MARCHF8: variants seen among roughly 807,000 people sequenced by gnomAD.
The protein encoded by MARCHF8 is membrane associated ring-CH-type finger 8, also known as E3 ubiquitin-protein ligase MARCHF8.
In MARCHF8, 40 loss-of-function variants were observed where a neutral mutation model predicts 51.6. That is an observed-to-expected ratio of 0.77 (90% CI 0.60 to 1.01). The LOEUF (loss-of-function observed/expected upper bound fraction) is 1.01. Among genes scored for constraint, MARCHF8 ranks in the 50% least tolerant of loss-of-function variants. The probability of loss-of-function intolerance (pLI) is 0.00; values close to 1 mark genes in which losing one functional copy is unlikely to be tolerated. For synonymous variants in MARCHF8, 263 were observed against 280.3 expected, an observed-to-expected ratio of 0.94 and a Z score of 0.62; for missense variants, 685 against 708.6, an observed-to-expected ratio of 0.97 and a Z score of 0.38.
intron 1 of MARCHF8, among the ~76,000 whole-genome samples, chr10:45,580,026 A>C: frequency 6.6e-6 from 1 of 151,410 alleles, no homozygotes; most frequent in Non-Finnish European, 1.5e-5. Context: ...AAAAAAAAAA[A>C]AAAAATCCAC....
At chr10:45,486,147 T>C (rs1308467721) in intron 3 of MARCHF8, among the ~76,000 whole-genome samples, 3 of 152,184 alleles carry the variant, frequency 2.0e-5, no homozygotes, top group Non-Finnish European at 4.4e-5. Flanking sequence ...ACCAGGAAGT[T>C]CTGTGAGTAA....
At chr10:45,506,406 T>C (rs1281165314) in intron 2 of MARCHF8, among the ~76,000 whole-genome samples, 1 of 152,220 alleles carries the variant, frequency 6.6e-6, no homozygotes, top group African/African-American at 2.4e-5. Flanking sequence ...TAGCGTTACT[T>C]CTACTTAATG....
intron 1 of MARCHF8, among the ~76,000 whole-genome samples, chr10:45,555,694 T>C (rs544616207): frequency 6.8e-6 from 1 of 146,534 alleles, no homozygotes; most frequent in African/African-American, 2.5e-5. Context: ...CAATGAGCCA[T>C]GATTACACCA....
chr10:45,465,371 C>T (rs1842935119), intron 3 of MARCHF8, among the ~76,000 whole-genome samples: 1 of 152,230 alleles, frequency 6.6e-6, no homozygotes, highest in South Asian at 2.1e-4. Context: ...TGCAGGCCCA[C>T]CTGCATGGCC....
chr10:45,540,300 A>G (rs2044032238), upstream of MARCHF8, among the ~76,000 whole-genome samples: 1 of 152,252 alleles, frequency 6.6e-6, no homozygotes, highest in Admixed American at 6.5e-5. Context: ...ACTTCAAAGT[A>G]TACCATAAGG....
chr10:45,464,314 G>C lies in MARCHF8; in HGVS notation c.167C>G (p.Pro56Arg), dbSNP rs41301623. ...SSNISKAGSP[P>R]SASAPAPVSS... Reference sequence around the variant, plus strand: ...CACCGGAGCCGGAGCTGATGCTGACGGAGGACTCCCAGCCTGCAATGACAG... The same window carrying C: ...CACCGGAGCCGGAGCTGATGCTGACCGAGGACTCCCAGCCTGCAATGACAG... Residue 56 changes from proline to arginine, a missense_variant, in exon 4 of 8, where the codon CCG (proline) becomes CGG (arginine). Transcript: ENST00000453424. 3.7e-6 allele frequency: 6 copies of C among 1,614,046 alleles called. No individual in the cohort carries two copies. The African/African-American group carries it at 4.0e-5, about 11-fold the overall frequency.
chr10:45,584,006 CAAAAAAAAAA>C (rs67624741), intron 1 of MARCHF8, among the ~76,000 whole-genome samples: 3 of 53,048 alleles, frequency 5.7e-5, no homozygotes, highest in East Asian at 5.7e-4. Flanking sequence ...ACTTCATTTC[CAAAAAAAAAA>C]AAAAAAAAAA....
At chr10:45,531,467 A>AT (rs564221575) in intron 2 of MARCHF8, among the ~76,000 whole-genome samples, 1 of 152,112 alleles carries the variant, frequency 6.6e-6, no homozygotes, top group East Asian at 1.9e-4. Context: ...AAGAGAAAGT[A>AT]TTTTTTTAAA....
chr10:45,512,017 G>T (rs530384556), intron 2 of MARCHF8, among the ~76,000 whole-genome samples: 3 of 149,056 alleles, frequency 2.0e-5, no homozygotes, highest in Non-Finnish European at 4.5e-5. Context: ...GCCTCTTCCC[G>T]GCCGTCATCC....
At chr10:45,523,688 C>G (rs1001561546) in intron 2 of MARCHF8, among the ~76,000 whole-genome samples, 2 of 152,194 alleles carry the variant, frequency 1.3e-5, no homozygotes, top group Non-Finnish European at 2.9e-5. Context: ...TCATAATCAT[C>G]AAGTCCTACA....
chr10:45,540,323 A>G (rs2044032611), upstream of MARCHF8, among the ~76,000 whole-genome samples: 1 of 152,226 alleles, frequency 6.6e-6, no homozygotes, highest in East Asian at 1.9e-4. Context: ...TAGCCACAGT[A>G]ACCAAAACAG....
Position 45,533,095 on chromosome 10 carries a change from A to G in MARCHF8, c.102+15T>C. 2 of 1,575,078 alleles carry G rather than the reference A, an allele frequency of 1.3e-6. No individual in the cohort carries two copies. The highest frequency in any genetic ancestry group is 1.7e-6 in the Non-Finnish European group (2 of 1,166,258). On this transcript the variant is annotated intron_variant, in intron 2 of 7. Coordinates refer to ENST00000453424, the MANE Select transcript of MARCHF8 (RefSeq NM_001282866.2). ...AATAAAAATAATGAAACTAAAAAAGATACTCTCCCAGTACCTGTTCTTCCC... is the reference window on the plus strand; with the variant it reads ...AATAAAAATAATGAAACTAAAAAAGGTACTCTCCCAGTACCTGTTCTTCCC...
intron 1 of MARCHF8, among the ~76,000 whole-genome samples, chr10:45,552,485 C>T (rs7896179): frequency 2.5e-4 from 38 of 151,968 alleles, no homozygotes; most frequent in African/African-American, 8.0e-4. Context: ...GTAATATAAA[C>T]GTAAATCAGG....
intron 1 of MARCHF8, among the ~76,000 whole-genome samples, chr10:45,575,018 C>T (rs112392416): frequency 0.035 from 5,356 of 151,536 alleles, 144 homozygotes; most frequent in East Asian, 0.052. Context: ...ATCACTAATA[C>T]CTCTTTAATA....
chr10:45,575,243 T>A (rs1378461744), intron 1 of MARCHF8, among the ~76,000 whole-genome samples: 1 of 152,144 alleles, frequency 6.6e-6, no homozygotes, highest in Admixed American at 6.5e-5. Context: ...CCAACTTCTA[T>A]CTCACAGAGC....
intron 2 of MARCHF8, among the ~76,000 whole-genome samples, chr10:45,520,146 G>T (rs1012929259): frequency 6.6e-6 from 1 of 152,176 alleles, no homozygotes; most frequent in African/African-American, 2.4e-5. Context: ...CAACAGTAAT[G>T]CCTACTTCAA....
intron 1 of MARCHF8, among the ~76,000 whole-genome samples, chr10:45,555,583 T>C (rs988505113): frequency 6.6e-6 from 1 of 151,506 alleles, no homozygotes; most frequent in African/African-American, 2.4e-5. Context: ...CCAAAAACGA[T>C]TTCTTTTTTA....
At chr10:45,494,864 T>C (rs2133110022) in intron 2 of MARCHF8, among the ~76,000 whole-genome samples, 1 of 152,328 alleles carries the variant, frequency 6.6e-6, no homozygotes, top group East Asian at 1.9e-4. Flanking sequence ...CTCACACCTG[T>C]AATCCCAGCA....
At chr10:45,472,721 A>C (rs2042715380) in intron 3 of MARCHF8, among the ~76,000 whole-genome samples, 1 of 152,224 alleles carries the variant, frequency 6.6e-6, no homozygotes, top group Non-Finnish European at 1.5e-5. Context: ...GACTGAACCA[A>C]ACTTCAGCCA....
Sources: gnomAD v4.1 joint callset for allele counts (sites outside exome capture counted in the v4.1 genomes callset) on GRCh38, gnomAD v4.1.1 for gene constraint, MANE v1.5 for transcripts, NCBI Gene and HGNC (gene_info 2026-07-23, HGNC 2026-07-21) for gene names.